IL13RA1: variants seen among roughly 807,000 people sequenced by gnomAD.
IL13RA1 encodes interleukin 13 receptor subunit alpha 1, also known as interleukin-13 receptor subunit alpha-1.
Under a neutral mutation model 33.8 loss-of-function variants are expected in IL13RA1, and 14 were observed. The observed-to-expected ratio is 0.41, with a 90% CI of 0.27 to 0.65. The LOEUF is 0.65. Among genes scored for constraint, IL13RA1 ranks in the 30% least tolerant of loss-of-function variants. The probability of loss-of-function intolerance (pLI) is 0.28; values close to 1 mark genes in which losing one functional copy is unlikely to be tolerated. For synonymous variants in IL13RA1, 116 were observed against 115.7 expected (o/e 1.00, Z -0.02); for missense variants, 313 against 327.0 (o/e 0.96, Z 0.33).
chrX:118,790,160 T>G (rs960100178), intron 10 of IL13RA1, among the ~76,000 whole-genome samples: 10 of 112,020 alleles, frequency 8.9e-5, no homozygotes, highest in African/African-American at 3.2e-4. Flanking sequence ...CCCCCTCTGT[T>G]AATCGCCTTG....
chrX:118,772,505 A>G (rs988214627), intron 8 of IL13RA1, among the ~76,000 whole-genome samples: 6 of 112,600 alleles, frequency 5.3e-5, no homozygotes, highest in Non-Finnish European at 1.1e-4. Flanking sequence ...CGATTGACTA[A>G]CATCAATCAA....
At chrX:118,746,134 G>GT (rs2017401342) in intron 2 of IL13RA1, among the ~76,000 whole-genome samples, 1 of 93,506 alleles carries the variant, frequency 1.1e-5, no homozygotes, top group African/African-American at 4.4e-5. Context: ...ATGATTACTG[G>GT]ATTTTTTTTT....
At chrX:118,785,529 A>G (rs1246239825) in intron 10 of IL13RA1, among the ~76,000 whole-genome samples, 2 of 111,538 alleles carry the variant, frequency 1.8e-5, no homozygotes, top group Non-Finnish European at 3.8e-5. Context: ...TGTTTCTTCT[A>G]GCTTAGTCTT....
intron 5 of IL13RA1, chrX:118,759,044 G>A (rs1354719588): frequency 1.8e-5 from 2 of 111,870 alleles, no homozygotes; most frequent in Non-Finnish European, 3.8e-5. Context: ...CTGTCTCTTA[G>A]AAAAGGCATA....
intron 10 of IL13RA1, among the ~76,000 whole-genome samples, chrX:118,784,537 G>A (rs1250477954): frequency 1.8e-5 from 2 of 111,287 alleles, no homozygotes; most frequent in Non-Finnish European, 3.8e-5. Context: ...CATTTTTATA[G>A]TTGTTGAACA....
chrX:118,799,192 G>A (rs987777424), downstream of IL13RA1, among the ~76,000 whole-genome samples: 2 of 113,347 alleles, frequency 1.8e-5, no homozygotes, highest in East Asian at 2.8e-4. Flanking sequence ...CTGCCTTCCC[G>A]CGGGGCAGGG....
chrX:118,767,310 GC>G (rs1240204511), intron 8 of IL13RA1, among the ~76,000 whole-genome samples: 1 of 111,843 alleles, frequency 8.9e-6, no homozygotes, highest in Non-Finnish European at 1.9e-5. Flanking sequence ...AGAGGCTGAG[GC>G]AGGAGGATCG....
At chrX:118,741,283 GTTGGGGAAA>G in intron 2 of IL13RA1, 127 bp downstream of exon 2, 1 of 480,945 alleles carries the variant, frequency 2.1e-6, no homozygotes. Context: ...TTAAATTTCA[GTTGGGGAAA>G]TTATAGAAGC....
chrX:118,759,568 C>T (rs1205646224), intron 5 of IL13RA1, among the ~76,000 whole-genome samples: 2 of 110,605 alleles, frequency 1.8e-5, no homozygotes, highest in African/African-American at 6.6e-5. Context: ...GGCAGATTAT[C>T]TTAGATGATC....
chrX:118,750,969 G>A (rs1029045718), intron 4 of IL13RA1, among the ~76,000 whole-genome samples: 2 of 110,649 alleles, frequency 1.8e-5, no homozygotes, highest in Admixed American at 9.7e-5. Flanking sequence ...ACCATGCCTG[G>A]CTAATTTTTG....
intron 1 of IL13RA1, among the ~76,000 whole-genome samples, chrX:118,728,281 T>G (rs1177079942): frequency 8.9e-6 from 1 of 112,370 alleles, no homozygotes; most frequent in Non-Finnish European, 1.9e-5. Flanking sequence ...AACATCTCAG[T>G]CCTTGTTGAA....
In IL13RA1 at chrX:118,773,010, TTGTA is replaced by T. The variant is rs991939223; in HGVS notation, c.1010-866_1010-863del. ...CACTACACAATTTTATTATCAGTTT[TTGTA>T]TGGTGATTTTAGGCTATGAAAACAT... On this transcript the variant is annotated intron_variant, in intron 8 of 10. Transcript: ENST00000371666. Among the ~76,000 whole-genome samples the T allele has an allele frequency of 2.7e-5, 3 of 112,459 alleles. No individual in the cohort carries two copies. In the Admixed American group the frequency reaches 2.8e-4, roughly 11 times the overall value.
At chrX:118,734,149 C>G (rs1037871676) in intron 1 of IL13RA1, among the ~76,000 whole-genome samples, 18 of 112,023 alleles carry the variant, frequency 1.6e-4, no homozygotes, top group Admixed American at 9.5e-5. Flanking sequence ...TTCTGCAAAA[C>G]TATGCCATTA....
chrX:118,775,816 A>G (rs1051957143), intron 9 of IL13RA1, among the ~76,000 whole-genome samples: 4 of 111,605 alleles, frequency 3.6e-5, no homozygotes, highest in African/African-American at 1.3e-4. Flanking sequence ...CTTATTAGAT[A>G]TCCAAATAAG....
chrX:118,784,167 G>GTA (rs1259460872), intron 10 of IL13RA1, among the ~76,000 whole-genome samples: 1 of 62,676 alleles, frequency 1.6e-5, no homozygotes, highest in Non-Finnish European at 2.8e-5. Context: ...ACATATATAC[G>GTA]TATATATATT....
At chrX:118,737,727 C>T (rs751734675) in intron 1 of IL13RA1, among the ~76,000 whole-genome samples, 17 of 111,642 alleles carry the variant, frequency 1.5e-4, no homozygotes, top group Non-Finnish European at 3.0e-4. Context: ...TTTTAAATTA[C>T]CTTGAAAATA....
At chrX:118,776,366 T>C in intron 9 of IL13RA1, 61 bp from the exon 10 acceptor site, 1 of 511,444 alleles carries the variant, frequency 2.0e-6, no homozygotes. Flanking sequence ...TATGGTGGTA[T>C]TTATGTGGGA....
intron 10 of IL13RA1, among the ~76,000 whole-genome samples, chrX:118,790,360 A>G (rs1371492746): frequency 8.9e-6 from 1 of 112,394 alleles, no homozygotes; most frequent in African/African-American, 3.2e-5. Context: ...TATGGTTGTA[A>G]CCACAGTTTA....
At chrX:118,791,635 A>AC (rs1392699994) in intron 10 of IL13RA1, 127 bp from the exon 11 acceptor site, 4 of 321,497 alleles carry the variant, frequency 1.2e-5, no homozygotes, top group African/African-American at 8.2e-5. Context: ...AAAAAAAAAA[A>AC]AACAGGAAAT....
Sources: gnomAD v4.1 joint callset for allele counts (sites outside exome capture counted in the v4.1 genomes callset) on GRCh38, gnomAD v4.1.1 for gene constraint, MANE v1.5 for transcripts, NCBI Gene and HGNC (gene_info 2026-07-23, HGNC 2026-07-21) for gene names.